Variants in PEBP4 observed in about 807,000 individuals in gnomAD.
PEBP4 encodes the protein phosphatidylethanolamine-binding protein 4.
PEBP4 carries 22 observed loss-of-function variants against 23.9 expected under a neutral mutation model. That is an observed-to-expected ratio of 0.92 (90% confidence interval 0.66 to 1.31). PEBP4 has a LOEUF of 1.31. PEBP4 is among the 40% of genes most tolerant of loss of function. The pLI is 0.00. For missense variants in PEBP4, 324 were observed against 281.7 expected, an observed-to-expected ratio of 1.15 and a Z score of -1.07; for synonymous variants, 112 against 99.3, an observed-to-expected ratio of 1.13 and a Z score of -0.76.
intron 4 of PEBP4, among the ~76,000 whole-genome samples, chr8:22,764,001 C>T (rs889322526): frequency 2.0e-5 from 3 of 152,192 alleles, no homozygotes; most frequent in African/African-American, 7.2e-5. Flanking sequence ...AGCTTCTCTT[C>T]CCCAGGGGAA....
intron 4 of PEBP4, chr8:22,798,523 T>C (rs1323209345): frequency 1.3e-5 from 2 of 153,306 alleles, no homozygotes; most frequent in African/African-American, 2.4e-5. Context: ...TGCATGCCCA[T>C]TCCTTCCTGC....
chr8:22,876,547 G>T (rs537514931), intron 3 of PEBP4, among the ~76,000 whole-genome samples: 1 of 152,296 alleles, frequency 6.6e-6, no homozygotes, highest in Non-Finnish European at 1.5e-5. Context: ...CAGGAGAGAG[G>T]TCACCATCCA....
rs531281135 is a variant in PEBP4 at position 22,806,868 on chromosome 8, C to A, written c.357+10769G>T. On this transcript the variant is annotated intron_variant, in intron 4 of 6. Coordinates refer to ENST00000256404, the MANE Select transcript of PEBP4 (RefSeq NM_144962.3). ...AGCCAAGCTGTACTGTGCTTACTGA[C>A]AGCATCTTCCTGGTCCAAGGGGTCA... Among the ~76,000 whole-genome samples the A allele has an allele frequency of 2.0e-5, 3 of 152,336 alleles. No homozygotes were observed. The East Asian group carries it at 5.8e-4, about 29-fold the overall frequency.
At chr8:22,873,983 C>T (rs991381831) in intron 3 of PEBP4, among the ~76,000 whole-genome samples, 20 of 152,244 alleles carry the variant, frequency 1.3e-4, no homozygotes, top group Non-Finnish European at 2.8e-4. Flanking sequence ...TAGGGGCAGT[C>T]AGTTTGCTAA....
intron 4 of PEBP4, among the ~76,000 whole-genome samples, chr8:22,792,464 G>T (rs895196362): frequency 1.3e-5 from 2 of 151,994 alleles, no homozygotes; most frequent in Non-Finnish European, 2.9e-5. Context: ...GTATCGGTCC[G>T]TGTCCTTGGT....
intron 4 of PEBP4, among the ~76,000 whole-genome samples, chr8:22,758,650 A>G (rs1050170608): frequency 1.3e-5 from 2 of 152,166 alleles, no homozygotes; most frequent in African/African-American, 2.4e-5. Context: ...GGTCTGCCCT[A>G]TGATTCTAAT....
intron 4 of PEBP4, among the ~76,000 whole-genome samples, chr8:22,809,806 A>G (rs1316332582): frequency 6.6e-6 from 1 of 152,014 alleles, no homozygotes; most frequent in Non-Finnish European, 1.5e-5. Context: ...AATATGTTCT[A>G]TGGATATGAG....
intron 2 of PEBP4, chr8:22,925,436 A>G (rs1349854325): frequency 1.4e-5 from 8 of 590,252 alleles, no homozygotes; most frequent in Non-Finnish European, 1.7e-5. Flanking sequence ...CTATGTAAAC[A>G]CTGTGGGCAG....
chr8:22,807,364 T>G (rs1395829279), intron 4 of PEBP4, among the ~76,000 whole-genome samples: 2 of 152,236 alleles, frequency 1.3e-5, no homozygotes, highest in East Asian at 3.9e-4. Flanking sequence ...AGTAACACAC[T>G]GGGGAGAGGG....
At chr8:22,834,977 C>T (rs1807171965) in intron 3 of PEBP4, among the ~76,000 whole-genome samples, 1 of 152,184 alleles carries the variant, frequency 6.6e-6, no homozygotes, top group South Asian at 2.1e-4. Context: ...GATTTTTCTC[C>T]CTTGTCCCCA....
chr8:22,832,488 T>TG (rs1563231083), intron 3 of PEBP4, among the ~76,000 whole-genome samples: 1 of 152,118 alleles, frequency 6.6e-6, no homozygotes, highest in Non-Finnish European at 1.5e-5. Flanking sequence ...TAAATGTGTG[T>TG]TTTTTAAGCC....
chr8:22,890,623 A>T (rs1808474302), intron 3 of PEBP4, among the ~76,000 whole-genome samples: 1 of 152,198 alleles, frequency 6.6e-6, no homozygotes, highest in Non-Finnish European at 1.5e-5. Context: ...CACCAGACAG[A>T]GTGTGTCTAG....
intron 3 of PEBP4, among the ~76,000 whole-genome samples, chr8:22,846,020 TG>T (rs1807426305): frequency 6.6e-6 from 1 of 152,140 alleles, no homozygotes; most frequent in Non-Finnish European, 1.5e-5. Flanking sequence ...AGCCGCTAAG[TG>T]GGGGTACATC....
chr8:22,808,399 C>T (rs951991355), intron 4 of PEBP4, among the ~76,000 whole-genome samples: 4 of 152,228 alleles, frequency 2.6e-5, no homozygotes, highest in African/African-American at 9.7e-5. Context: ...TTTCTTCATG[C>T]CTTCATTAAT....
Position 22,861,105 on chromosome 8 carries a change from A to G in PEBP4, c.259-43370T>C, listed in dbSNP as rs539182465. On this transcript the variant is annotated intron_variant, in intron 3 of 6. Transcript: ENST00000256404. The stretch of plus-strand genomic sequence containing the variant: ...TCTAAGTGACTGGCCAGTTGACACA[A>G]TAAGCTGGAAGTCAGTGCCCACTTA... 1.2e-3 allele frequency among the ~76,000 whole-genome samples: 185 copies of G among 152,330 alleles called. 1 individual carries two copies. Among genetic ancestry groups the G allele is most frequent in the Non-Finnish European group, 1.7e-3 (116 of 68,018 alleles).
At chr8:22,855,665 A>G (rs1000192572) in intron 3 of PEBP4, among the ~76,000 whole-genome samples, 1 of 152,218 alleles carries the variant, frequency 6.6e-6, no homozygotes, top group African/African-American at 2.4e-5. Context: ...CAATGATGAT[A>G]TCAAAATCAA....
chr8:22,714,401 T>G (rs1804371728), intron 6 of PEBP4, among the ~76,000 whole-genome samples: 1 of 152,078 alleles, frequency 6.6e-6, no homozygotes, highest in Non-Finnish European at 1.5e-5. Flanking sequence ...AGGAAGTAGT[T>G]TAATTTGAAT....
intron 3 of PEBP4, among the ~76,000 whole-genome samples, chr8:22,819,830 T>C (rs1015743671): frequency 2.6e-5 from 4 of 152,278 alleles, no homozygotes; most frequent in Non-Finnish European, 2.9e-5. Context: ...ATGGTCTCGA[T>C]CTCCTGATCT....
At chr8:22,881,510 T>C (rs1033423974) in intron 3 of PEBP4, among the ~76,000 whole-genome samples, 2 of 152,192 alleles carry the variant, frequency 1.3e-5, no homozygotes, top group African/African-American at 4.8e-5. Flanking sequence ...TCACTCGCAG[T>C]TGTATGTCCC....
Sources: allele counts gnomAD v4.1 joint callset (sites outside exome capture counted in the v4.1 genomes callset), GRCh38; gene constraint gnomAD v4.1.1; transcripts MANE v1.5; gene names NCBI Gene and HGNC (gene_info 2026-07-23, HGNC 2026-07-21).